The following PALLD variants were observed in gnomAD, a reference collection of about 807,000 sequenced individuals.
The protein encoded by PALLD is palladin, cytoskeletal associated protein.
Under a neutral mutation model 123.5 loss-of-function variants are expected in PALLD, and 61 were observed. The observed-to-expected ratio is 0.49, with a 90% CI of 0.40 to 0.61. The LOEUF is 0.61. Ranked by LOEUF, PALLD falls within the 20% of genes least tolerant of loss-of-function variation. The pLI is 0.00. For missense variants in PALLD, 1,273 were observed against 1,377.0 expected, an observed-to-expected ratio of 0.92 and a Z score of 1.20; for synonymous variants, 465 against 496.4, an observed-to-expected ratio of 0.94 and a Z score of 0.84.
At chr4:168,877,869 C>A (rs1454977118) in intron 10 of PALLD, 1 of 1,420,552 alleles carries the variant, frequency 7.0e-7, no homozygotes, top group Admixed American at 2.5e-5. Flanking sequence ...GCGGCCTGCA[C>A]GCCGCCCGCG....
chr4:168,649,486 G>A (rs760939159), intron 2 of PALLD, among the ~76,000 whole-genome samples: 4 of 152,168 alleles, frequency 2.6e-5, no homozygotes, highest in East Asian at 1.9e-4. Context: ...AATAGGAAAC[G>A]TGGAAGACAT....
intron 10 of PALLD, among the ~76,000 whole-genome samples, chr4:168,762,346 G>C (rs1349574944): frequency 6.6e-6 from 1 of 152,128 alleles, no homozygotes; most frequent in Non-Finnish European, 1.5e-5. Context: ...GGTGGCATGT[G>C]CCTGTCATCC....
chr4:168,619,139 A>G (rs998982711), intron 2 of PALLD, among the ~76,000 whole-genome samples: 1 of 152,216 alleles, frequency 6.6e-6, no homozygotes, highest in African/African-American at 2.4e-5. Flanking sequence ...TTTCAGCAGG[A>G]GATCCACTTT....
rs1762601738 is a variant in PALLD, at chr4:168,926,523, TCTTA to T, written c.*347_*350del. On this transcript the variant is annotated 3_prime_UTR_variant, in exon 22 of 22. Transcript: ENST00000505667. ...AAAAAAAACACCAAAATAATATTTT[TCTTA>T]CTTGATATACCAAACTTAGTTTAAG... is the stretch of plus-strand genomic sequence containing the variant. 8 of 634,838 alleles carry T rather than the reference TCTTA, an allele frequency of 1.3e-5. No homozygotes were observed. In the Middle Eastern group the frequency reaches 1.1e-3, roughly 87 times the overall value. The allele number at this position is 634,838 out of a possible 1,614,324, so 39.3% of individuals were successfully genotyped here.
chr4:168,643,664 C>T (rs531462995), intron 2 of PALLD, among the ~76,000 whole-genome samples: 1 of 152,256 alleles, frequency 6.6e-6, no homozygotes, highest in Non-Finnish European at 1.5e-5. Context: ...AGTGACAGCT[C>T]CAGAGAACTC....
intron 3 of PALLD, chr4:168,678,062 A>T (rs1781045781): frequency 2.0e-5 from 3 of 152,250 alleles, no homozygotes; most frequent in Admixed American, 2.0e-4. Context: ...TGTATGAGGA[A>T]GGCATGAAGC....
intron 10 of PALLD, among the ~76,000 whole-genome samples, chr4:168,752,234 C>T (rs1161109963): frequency 1.3e-5 from 2 of 152,204 alleles, no homozygotes; most frequent in African/African-American, 4.8e-5. Flanking sequence ...ATTAGCTGGG[C>T]TTGGCGGCAT....
chr4:168,541,695 C>A (rs867119127), intron 2 of PALLD, among the ~76,000 whole-genome samples: 1 of 152,098 alleles, frequency 6.6e-6, no homozygotes, highest in Non-Finnish European at 1.5e-5. Flanking sequence ...TCCAGTGATC[C>A]GCCCACCTTA....
chr4:168,854,770 A>G (rs557601098), intron 10 of PALLD, among the ~76,000 whole-genome samples: 3 of 152,364 alleles, frequency 2.0e-5, no homozygotes, highest in African/African-American at 7.2e-5. Flanking sequence ...AGAGAATGCC[A>G]GCTGAATTTT....
intron 1 of PALLD, among the ~76,000 whole-genome samples, chr4:168,502,395 C>CT (rs1456223416): frequency 2.6e-5 from 4 of 152,048 alleles, no homozygotes; most frequent in African/African-American, 9.6e-5. Context: ...TTTATAGATA[C>CT]TTTTTTTTAA....
chr4:168,498,989 G>A (rs1459440863), intron 1 of PALLD, among the ~76,000 whole-genome samples: 1 of 151,738 alleles, frequency 6.6e-6, no homozygotes, highest in Non-Finnish European at 1.5e-5. Context: ...TAAATAAGCT[G>A]TTTAAAGAGA....
At chr4:168,764,129 A>G (rs969769603) in intron 10 of PALLD, among the ~76,000 whole-genome samples, 2 of 152,202 alleles carry the variant, frequency 1.3e-5, no homozygotes, top group Non-Finnish European at 2.9e-5. Context: ...TATACTTACT[A>G]TATGTCTTCT....
intron 14 of PALLD, among the ~76,000 whole-genome samples, chr4:168,901,364 T>C (rs1266187038): frequency 6.6e-6 from 1 of 152,230 alleles, no homozygotes; most frequent in Non-Finnish European, 1.5e-5. Context: ...CTCGTGCTTG[T>C]GCCCTCCCGA....
rs568544436 is a variant in PALLD at position 168,755,214 on chromosome 4, G to C, written c.1964+43291G>C. Among the ~76,000 whole-genome samples, 409 of 140,286 alleles carry C rather than the reference G, an allele frequency of 2.9e-3. 1 individual carries two copies. The highest frequency in any genetic ancestry group is 7.0e-3 in the African/African-American group (261 of 37,444). 92.0% of individuals were successfully genotyped at this position (140,286 alleles called of 152,430 possible). A position where few individuals can be genotyped will look rare whatever the true frequency, so the allele number is the denominator to read the frequency against. ...CACCACTGCACTCCAGCCTGGGCGA[G>C]AGAGCAAGACTCCGTCTCAAAAAAA... On this transcript the variant is annotated intron_variant, in intron 10 of 21. Transcript: ENST00000505667.
intron 2 of PALLD, among the ~76,000 whole-genome samples, chr4:168,642,473 C>T (rs1483422998): frequency 6.6e-6 from 1 of 152,160 alleles, no homozygotes; most frequent in Non-Finnish European, 1.5e-5. Context: ...GCGATCTTAG[C>T]TTACTGCAAT....
At chr4:168,755,154 G>A (rs540726827) in intron 10 of PALLD, among the ~76,000 whole-genome samples, 44 of 151,308 alleles carry the variant, frequency 2.9e-4, no homozygotes, top group South Asian at 4.2e-4. Context: ...AATGGCATGA[G>A]CCTGGGAGGC....
chr4:168,628,238 G>A (rs369119664), intron 2 of PALLD, among the ~76,000 whole-genome samples: 34 of 152,304 alleles, frequency 2.2e-4, no homozygotes, highest in Admixed American at 2.2e-3. Flanking sequence ...TGAATAAATC[G>A]TGGTGCATTT....
intron 2 of PALLD, among the ~76,000 whole-genome samples, chr4:168,526,139 C>A (rs915285608): frequency 6.6e-6 from 1 of 152,190 alleles, no homozygotes; most frequent in Non-Finnish European, 1.5e-5. Context: ...TTCCAACACA[C>A]GCCTCAAGAA....
chr4:168,530,728 A>T (rs1764525805), intron 2 of PALLD: 1 of 151,740 alleles, frequency 6.6e-6, no homozygotes, highest in South Asian at 2.1e-4. Flanking sequence ...TGAGGAACTT[A>T]CATCACAGGC....
Sources: gnomAD v4.1 joint callset for allele counts (sites outside exome capture counted in the v4.1 genomes callset) on GRCh38, gnomAD v4.1.1 for gene constraint, MANE v1.5 for transcripts, NCBI Gene and HGNC (gene_info 2026-07-23, HGNC 2026-07-21) for gene names.